STAT2: variants seen among roughly 807,000 people sequenced by gnomAD.
The protein encoded by STAT2 is signal transducer and activator of transcription 2.
A neutral mutation model predicts 122.3 loss-of-function variants in STAT2; 51 were observed. That is an observed-to-expected ratio of 0.42 (90% CI 0.33 to 0.53). The LOEUF (loss-of-function observed/expected upper bound fraction) is 0.53. STAT2 is among the 20% of genes least tolerant of loss of function. The pLI is 0.10. For synonymous variants in STAT2, 351 were observed against 394.9 expected (o/e 0.89, Z 1.32); for missense variants, 736 against 1,010.3 (o/e 0.73, Z 3.68).
At position 56,351,140 on chromosome 12, in the gene STAT2, G is replaced by A. The variant is rs763102693; in HGVS notation, c.992C>T (p.Pro331Leu). The change falls in exon 10 of 24, where the codon CCC becomes CTC. Residue 331 changes from proline (P) to leucine (L), a missense_variant. Physicochemically the swap from Pro to Leu is moderately conservative, Grantham distance 98. Transcript: ENST00000314128. ...CTTGCTGCCAGTCTTGAGGATGAGG[G>A]GTCGATGGGGAGTTTGGGGCATGCA... ...QPCMPQTPHR[P>L]LILKTGSKFT... The A allele has an allele frequency of 6.2e-6, 10 of 1,614,076 alleles. No homozygotes were observed. Among genetic ancestry groups the A allele is most frequent in the Non-Finnish European group, 8.5e-6 (10 of 1,180,008 alleles).
At chr12:56,350,386 T>C in intron 12 of STAT2, 26 bp downstream of exon 12, 1 of 1,599,082 alleles carries the variant, frequency 6.3e-7, no homozygotes, top group Middle Eastern at 1.7e-4. Flanking sequence ...GTACAGATGT[T>C]TGCAGTGTCC....
In STAT2 at chr12:56,344,077, A is replaced by G. The variant is rs1224890125; in HGVS notation, c.2161T>C (p.Leu721=). 3 of 1,597,826 alleles carry G rather than the reference A, an allele frequency of 1.9e-6. No individual in the cohort carries two copies. The African/African-American group carries it at 4.0e-5, about 21-fold the overall frequency. Reference sequence around the variant, plus strand: ...GGCACCAGCCCTAGTTCCAGCTCTAATGACTCCAGCTCTGGCTCTGGCTTA... The same window carrying G: ...GGCACCAGCCCTAGTTCCAGCTCTAGTGACTCCAGCTCTGGCTCTGGCTTA... ...ELKPEPELES[L]ELELGLVPEP... is the part of the protein sequence containing the mutation. Residue 721 remains leucine (L), a synonymous_variant, in exon 23 of 24, where the codon TTA becomes CTA. Transcript: ENST00000314128.
chr12:56,353,424 T>G lies in STAT2; in HGVS notation c.782+1042A>C, dbSNP rs1377307793. 2.6e-5 allele frequency among the ~76,000 whole-genome samples: 4 copies of G among 152,154 alleles called. No individual in the cohort carries two copies. The East Asian group carries it at 7.7e-4, about 29-fold the overall frequency. ...CTAGGATAACAGGCATGAGACGCCA[T>G]GCCTGGCCTGGTATATTTCTAAAAG... On this transcript the variant is annotated intron_variant, in intron 8 of 23. Transcript: ENST00000314128.
chr12:56,356,334 G>C (rs773917264), intron 2 of STAT2, 49 bp from the exon 3 acceptor site: 1 of 1,606,194 alleles, frequency 6.2e-7, no homozygotes, highest in South Asian at 1.1e-5. Context: ...TGTTACTGTA[G>C]TCCTGAGGCT....
intron 22 of STAT2, 85 bp from the exon 23 acceptor site, chr12:56,344,220 A>C: frequency 1.4e-6 from 2 of 1,472,250 alleles, no homozygotes; most frequent in Non-Finnish European, 1.8e-6. Flanking sequence ...AGCTAGTCTA[A>C]GAAGGCAGTA....
intron 8 of STAT2, among the ~76,000 whole-genome samples, chr12:56,352,682 AT>A (rs1878727588): frequency 6.7e-6 from 1 of 149,900 alleles, no homozygotes; most frequent in African/African-American, 2.5e-5. Context: ...TACCTGAGCA[AT>A]TGTGGTATTT....
rs2136083493 is a variant in STAT2 at position 56,354,588 on chromosome 12, C to T, written c.660G>A (p.Leu220=). The T allele has an allele frequency of 6.2e-7, 1 of 1,614,152 alleles. No homozygotes were observed. Among genetic ancestry groups the T allele is most frequent in the Non-Finnish European group, 8.5e-7 (1 of 1,180,022 alleles). The change falls in exon 8 of 24, where the codon CTG becomes CTA. Residue 220 remains leucine (L), a synonymous_variant. Coordinates refer to ENST00000314128, the MANE Select transcript of STAT2 (RefSeq NM_005419.4). Reference sequence around the variant, plus strand: ...CGATTAGGGTAGTTAATCGGCCTAGCAGTGCTTTGGAGGCATCCAGCACCT... The same window carrying T: ...CGATTAGGGTAGTTAATCGGCCTAGTAGTGCTTTGGAGGCATCCAGCACCT... The part of the protein sequence containing the change: ...RKEVLDASKA[L]LGRLTTLIEL...
In STAT2 at chr12:56,355,561, A is replaced by C. The variant is rs768737708; in HGVS notation, c.382-29T>G. ...AAAAAAGAGGCTCTGAGCACGTTTT[A>C]ACTCTGGCCTTTCATGCCTTAAGTT... On this transcript the variant is annotated intron_variant, in intron 4 of 23. Coordinates refer to ENST00000314128, the MANE Select transcript of STAT2 (RefSeq NM_005419.4). 1.9e-6 allele frequency: 3 copies of C among 1,613,404 alleles called. No individual in the cohort carries two copies. The South Asian group carries it at 3.3e-5, about 18-fold the overall frequency.
chr12:56,345,042 C>T (rs1438806265), intron 22 of STAT2, among the ~76,000 whole-genome samples: 3 of 139,974 alleles, frequency 2.1e-5, no homozygotes, highest in African/African-American at 2.7e-5. Flanking sequence ...GCATGGGTGG[C>T]GCTCGCCTGT....
In STAT2 at chr12:56,354,869, T is replaced by A. The variant is rs1879268089; in HGVS notation, c.548-6A>T. The A allele has an allele frequency of 6.2e-7, 1 of 1,613,838 alleles. No homozygotes were observed. Among genetic ancestry groups the A allele is most frequent in the Non-Finnish European group, 8.5e-7 (1 of 1,179,880 alleles). On this transcript the variant is annotated splice_region_variant and splice_polypyrimidine_tract_variant and intron_variant, in intron 6 of 23. Transcript: ENST00000314128. ...GTCCAGAGAGGGTGTCTTCCCTGGA[T>A]GGTGGGAACAGGAGTCAGTCCAGGG...
chr12:56,351,975 C>T (rs141322242), intron 8 of STAT2, among the ~76,000 whole-genome samples: 2 of 152,114 alleles, frequency 1.3e-5, no homozygotes, highest in Admixed American at 1.3e-4. Flanking sequence ...TCACTGCAAC[C>T]TCCACCTCCT....
chr12:56,351,176 T>G lies in STAT2; in HGVS notation c.956A>C (p.Glu319Ala). The G allele has an allele frequency of 6.2e-7, 1 of 1,613,988 alleles. No individual in the cohort carries two copies. Among genetic ancestry groups the G allele is most frequent in the Non-Finnish European group, 8.5e-7 (1 of 1,179,948 alleles). ...AGTTTGGGGCATGCAGGGCTGGGTT[T>G]CTACCACAAAGGCTCTGAGGAGAGA... Reference protein sequence around the residue: ...QRLLHRAFVVETQPCMPQTPH... With the variant: ...QRLLHRAFVVATQPCMPQTPH... The change falls in exon 10 of 24, where the codon GAA (glutamate) becomes GCA (alanine). Residue 319 changes from glutamate to alanine, a missense_variant. Transcript: ENST00000314128.
chr12:56,351,553 TGGGG>T, intron 8 of STAT2, 103 bp from the exon 9 acceptor site: 2 of 1,240,450 alleles, frequency 1.6e-6, no homozygotes. Flanking sequence ...AGAAACTGAC[TGGGG>T]GGAAGAAAAA....
Position 56,356,478 on chromosome 12 carries a change from G to C in STAT2, c.94C>G (p.Arg32Gly), listed in dbSNP as rs769566394. Residue 32 changes from arginine to glycine, a missense_variant, in exon 2 of 24, where the codon CGA (arginine) becomes GGA (glycine). Arg to Gly is a moderately radical substitution (Grantham distance 125, BLOSUM62 -2). Coordinates refer to ENST00000314128, the MANE Select transcript of STAT2 (RefSeq NM_005419.4). ...TCAATCCAGACAGCCAAGTACTGTC[G>C]AATGTCCACAGGCAGGAGGCTGTGC... The part of the protein sequence containing the change: ...YSHSLLPVDI[R>G]QYLAVWIEDQ... The C allele has an allele frequency of 6.2e-7, 1 of 1,614,084 alleles. No homozygotes were observed. Among genetic ancestry groups the C allele is most frequent in the Non-Finnish European group, 8.5e-7 (1 of 1,180,038 alleles).
Position 56,342,573 on chromosome 12 carries a change from G to A in STAT2, c.*816C>T, listed in dbSNP as rs1267270674. On this transcript the variant is annotated 3_prime_UTR_variant, in exon 24 of 24. Coordinates refer to ENST00000314128, the MANE Select transcript of STAT2 (RefSeq NM_005419.4). ...CCATTGCACTCTAGCCTGGGCAACA[G>A]AGTGAGACCCTGTTTAAAAAAAAAA... 1.3e-5 allele frequency: 2 copies of A among 152,262 alleles called. No homozygotes were observed. The highest frequency in any genetic ancestry group is 4.8e-5 in the African/African-American group (2 of 41,398). 9.4% of individuals were successfully genotyped at this position (152,262 alleles called of 1,614,324 possible).
At chr12:56,349,296 G>C (rs1878067835) in intron 15 of STAT2, 35 bp from the exon 16 acceptor site, 1 of 1,614,020 alleles carries the variant, frequency 6.2e-7, no homozygotes, top group Non-Finnish European at 8.5e-7. Flanking sequence ...AGAGGGATGT[G>C]ATGTTTCTAG....
chr12:56,354,016 AAT>A lies in STAT2; in HGVS notation c.782+448_782+449del, dbSNP rs1555171512. Among the ~76,000 whole-genome samples the A allele has an allele frequency of 2.6e-3, 44 of 16,682 alleles. 2 individuals are homozygous for A. Among genetic ancestry groups the A allele is most frequent in the African/African-American group, 4.6e-3 (42 of 9,182 alleles). 10.9% of individuals were successfully genotyped at this position (16,682 alleles called of 152,430 possible). ...GTCTCAAAAAAAAAAAAAAAAAAAA[AAT>A]ATATATATATATATATATATATAAA... On this transcript the variant is annotated intron_variant, in intron 8 of 23. Coordinates refer to ENST00000314128, the MANE Select transcript of STAT2 (RefSeq NM_005419.4).
intron 1 of STAT2, among the ~76,000 whole-genome samples, 188 bp downstream of exon 1, chr12:56,359,870 A>AT (rs1392430415): frequency 2.0e-5 from 3 of 152,164 alleles, no homozygotes; most frequent in Admixed American, 6.5e-5. Context: ...GGAGAGGGGC[A>AT]TTAGGGTTAG....
chr12:56,355,089 T>C (rs1879299193), intron 6 of STAT2, 187 bp downstream of exon 6: 1 of 730,692 alleles, frequency 1.4e-6, no homozygotes, highest in African/African-American at 1.8e-5. Flanking sequence ...CAACATTTAC[T>C]GTCTCTCAGC....
Sources: allele counts gnomAD v4.1 joint callset (sites outside exome capture counted in the v4.1 genomes callset), GRCh38; gene constraint gnomAD v4.1.1; transcripts MANE v1.5; gene names NCBI Gene and HGNC (gene_info 2026-07-23, HGNC 2026-07-21).